The following NTN1 variants were observed in gnomAD, a reference collection of about 807,000 sequenced individuals.
NTN1 encodes netrin 1, also known as netrin-1.
Under a neutral mutation model 54.2 loss-of-function variants are expected in NTN1, and 11 were observed. The observed-to-expected ratio is 0.20, with a 90% CI of 0.13 to 0.34. The LOEUF (loss-of-function observed/expected upper bound fraction) is 0.34. Ranked by LOEUF, NTN1 falls within the 10% of genes least tolerant of loss-of-function variation. The pLI, the probability that NTN1 is intolerant of heterozygous loss-of-function variation, is 1.00. For missense variants in NTN1, 740 were observed against 893.1 expected (o/e 0.83, Z 2.18); for synonymous variants, 371 against 382.0 (o/e 0.97, Z 0.33).
chr17:9,236,942 G>C (rs893735663), intron 6 of NTN1, among the ~76,000 whole-genome samples: 2 of 152,154 alleles, frequency 1.3e-5, no homozygotes, highest in African/African-American at 4.8e-5. Flanking sequence ...ACCCCAGGGA[G>C]TGAGAAGGCC....
rs142891313 is a variant in NTN1, at chr17:9,100,111, G to C, written c.1019-62702G>C. Among the ~76,000 whole-genome samples the C allele has an allele frequency of 7.5e-3, 1,130 of 151,654 alleles. 7 individuals carry two copies. The highest frequency in any genetic ancestry group is 0.017 in the Middle Eastern group (5 of 292). On this transcript the variant is annotated intron_variant, in intron 2 of 6. Transcript: ENST00000173229. ...ATACTGACATGAGCCACCACCCCCA[G>C]CCTCATTAACATTTTGATGGAAGTT...
chr17:9,050,767 C>T (rs1037904444), intron 2 of NTN1, among the ~76,000 whole-genome samples: 13 of 150,874 alleles, frequency 8.6e-5, no homozygotes, highest in Non-Finnish European at 7.4e-5. Flanking sequence ...ATCTGTGAAA[C>T]GGGGATGACC....
chr17:9,195,214 C>A (rs73259924), intron 5 of NTN1, among the ~76,000 whole-genome samples: 1 of 151,114 alleles, frequency 6.6e-6, no homozygotes, highest in Non-Finnish European at 1.5e-5. Context: ...CCCCTCCACC[C>A]TGGGCCTCCA....
intron 2 of NTN1, 124 bp from the exon 3 acceptor site, chr17:9,162,689 C>A: frequency 1.1e-6 from 1 of 894,496 alleles, no homozygotes; most frequent in Non-Finnish European, 1.7e-6. Context: ...GAGCACAAGT[C>A]TGCCTGCCTG....
chr17:9,013,216 C>CTTTTTTTTTTTTTTT, the NTN1 span, among the ~76,000 whole-genome samples: 2 of 118,726 alleles, frequency 1.7e-5, no homozygotes, highest in African/African-American at 6.3e-5. Flanking sequence ...TTTTCTTTTT[C>CTTTTTTTTTTTTTTT]TTTTTTTTTT....
At chr17:9,133,061 C>A (rs548390895) in intron 2 of NTN1, among the ~76,000 whole-genome samples, 1 of 152,164 alleles carries the variant, frequency 6.6e-6, no homozygotes, top group Non-Finnish European at 1.5e-5. Context: ...TCCTCCCCTC[C>A]ACCTTAACGG....
chr17:9,017,090 T>C (rs2091833529), upstream of NTN1, among the ~76,000 whole-genome samples: 1 of 152,214 alleles, frequency 6.6e-6, no homozygotes, highest in South Asian at 2.1e-4. Flanking sequence ...TAGTTTTATC[T>C]GTCTTCCACC....
chr17:9,179,434 G>C (rs1262053280), intron 3 of NTN1, among the ~76,000 whole-genome samples: 1 of 152,222 alleles, frequency 6.6e-6, no homozygotes, highest in Non-Finnish European at 1.5e-5. Context: ...AGCCGACCCT[G>C]TCAAGGGAAG....
chr17:9,078,092 C>T (rs1465263470), intron 2 of NTN1, among the ~76,000 whole-genome samples: 1 of 151,930 alleles, frequency 6.6e-6, no homozygotes, highest in Non-Finnish European at 1.5e-5. Flanking sequence ...ATCCATCCAT[C>T]CATCCACCCA....
At chr17:9,201,281 A>G (rs1444920688) in intron 5 of NTN1, among the ~76,000 whole-genome samples, 1 of 152,128 alleles carries the variant, frequency 6.6e-6, no homozygotes, top group Non-Finnish European at 1.5e-5. Flanking sequence ...GCAGGCAGAA[A>G]TCTCTGTGCT....
intron 2 of NTN1, among the ~76,000 whole-genome samples, chr17:9,084,951 C>T (rs372838662): frequency 6.6e-6 from 1 of 152,208 alleles, no homozygotes; most frequent in Admixed American, 6.5e-5. Flanking sequence ...TGCCTGACCC[C>T]GTTCTTTGCA....
At chr17:9,018,494 T>C (rs534505437), upstream of NTN1, among the ~76,000 whole-genome samples, 2 of 151,376 alleles carry the variant, frequency 1.3e-5, no homozygotes, top group South Asian at 4.2e-4. Flanking sequence ...ATTAGCCAGG[T>C]GTGGTGGTGG....
At chr17:9,137,786 T>C (rs1479937769) in intron 2 of NTN1, among the ~76,000 whole-genome samples, 5 of 150,126 alleles carry the variant, frequency 3.3e-5, no homozygotes, top group Admixed American at 2.7e-4. Flanking sequence ...AGAGCAAGAC[T>C]CCATCTCAAA....
At position 9,221,898 on chromosome 17, in the gene NTN1, G is replaced by A. The variant is rs1597545807; in HGVS notation, c.1486+656G>A. Among the ~76,000 whole-genome samples, 1 of 152,174 alleles carries A rather than the reference G, an allele frequency of 6.6e-6. No individual in the cohort carries two copies. The highest frequency in any genetic ancestry group is 6.5e-5 in the Admixed American group (1 of 15,282). ...GAGAGTGGAGATGGTCTGGGAGCCT[G>A]CAGGAGGAGGGCCCCGCAGTGGCCA... On this transcript the variant is annotated intron_variant, in intron 6 of 6. Coordinates refer to ENST00000173229, the MANE Select transcript of NTN1 (RefSeq NM_004822.3). The surrounding 1 kb of genome is among the most constrained non-coding windows in gnomAD (Gnocchi z 4.5).
At chr17:9,185,913 A>G (rs1246065253) in intron 5 of NTN1, among the ~76,000 whole-genome samples, 2 of 152,130 alleles carry the variant, frequency 1.3e-5, no homozygotes, top group South Asian at 2.1e-4. Context: ...GGACAATGCA[A>G]TGGCGTCTCC....
At chr17:9,114,664 G>A (rs2092204737) in intron 2 of NTN1, among the ~76,000 whole-genome samples, 2 of 152,170 alleles carry the variant, frequency 1.3e-5, no homozygotes, top group Non-Finnish European at 1.5e-5. Flanking sequence ...AAGGCACGGA[G>A]AATCGCTTGA....
chr17:9,038,120 C>A (rs979182459), intron 2 of NTN1, among the ~76,000 whole-genome samples: 2 of 152,138 alleles, frequency 1.3e-5, no homozygotes, highest in African/African-American at 4.8e-5. Context: ...TAGGTTCCTT[C>A]AAGTCTTTGG....
intron 3 of NTN1, among the ~76,000 whole-genome samples, chr17:9,164,895 TGCCA>T (rs1258379890): frequency 6.6e-6 from 1 of 152,142 alleles, no homozygotes; most frequent in African/African-American, 2.4e-5. Context: ...ACATCTGCAA[TGCCA>T]GAAAGGTGTG....
intron 5 of NTN1, among the ~76,000 whole-genome samples, chr17:9,195,206 C>A (rs1456355536): frequency 2.6e-5 from 4 of 151,808 alleles, no homozygotes; most frequent in Non-Finnish European, 5.9e-5. Flanking sequence ...CCCCTCCACC[C>A]CTCCACCCTG....
Sources: allele counts gnomAD v4.1 joint callset (sites outside exome capture counted in the v4.1 genomes callset), GRCh38; gene constraint gnomAD v4.1.1; non-coding constraint Gnocchi (gnomAD v3.1); transcripts MANE v1.5; gene names NCBI Gene and HGNC (gene_info 2026-07-23, HGNC 2026-07-21).